The following CLVS1 variants were observed in gnomAD, a reference collection of about 807,000 sequenced individuals.
CLVS1 encodes the protein clavesin 1.
In CLVS1, 10 loss-of-function variants were observed where a neutral mutation model predicts 33.1. That is an observed-to-expected ratio of 0.30 (90% confidence interval 0.19 to 0.51). The LOEUF (loss-of-function observed/expected upper bound fraction) is 0.51, where lower values mean the gene tolerates loss of function less well. CLVS1 is among the 20% of genes least tolerant of loss of function. The pLI, the probability that CLVS1 is intolerant of heterozygous loss-of-function variation, is 0.97. For synonymous variants in CLVS1, 163 were observed against 166.1 expected (o/e 0.98, Z 0.14); for missense variants, 343 against 433.4 (o/e 0.79, Z 1.85).
intron 5 of CLVS1, among the ~76,000 whole-genome samples, chr8:61,470,679 C>T (rs1817702286): frequency 6.6e-6 from 1 of 152,202 alleles, no homozygotes; most frequent in Admixed American, 6.5e-5. Context: ...CCGTAATGAG[C>T]ATATGAATGA....
At chr8:61,127,497 G>A (rs780315553) in intron 1 of CLVS1, among the ~76,000 whole-genome samples, 32 of 152,270 alleles carry the variant, frequency 2.1e-4, no homozygotes, top group Middle Eastern at 6.8e-3. Flanking sequence ...TGGGATTACA[G>A]ACATGAGCCA....
chr8:61,236,114 G>A (rs540762161), intron 2 of CLVS1, among the ~76,000 whole-genome samples: 1 of 152,276 alleles, frequency 6.6e-6, no homozygotes, highest in East Asian at 1.9e-4. Context: ...CATAGATTCT[G>A]AGGCGAGCTT....
the CLVS1 span, among the ~76,000 whole-genome samples, chr8:61,031,962 A>T: frequency 6.6e-6 from 1 of 152,244 alleles, no homozygotes; most frequent in African/African-American, 2.4e-5. Flanking sequence ...GACTCAAGGG[A>T]AAAAATAAGA....
At chr8:61,236,262 G>A (rs1256666483) in intron 2 of CLVS1, among the ~76,000 whole-genome samples, 1 of 152,210 alleles carries the variant, frequency 6.6e-6, no homozygotes. Context: ...AGGAGTGAAT[G>A]AGAGCCACAA....
At chr8:61,316,160 A>T (rs1346473849) in intron 2 of CLVS1, among the ~76,000 whole-genome samples, 1 of 152,150 alleles carries the variant, frequency 6.6e-6, no homozygotes, top group Non-Finnish European at 1.5e-5. Flanking sequence ...TTGGGTATAT[A>T]CCCAAAGGAT....
intron 2 of CLVS1, among the ~76,000 whole-genome samples, chr8:61,265,397 CT>C: frequency 6.6e-6 from 1 of 152,176 alleles, no homozygotes; most frequent in East Asian, 1.9e-4. Flanking sequence ...GTTTCCTTAA[CT>C]ATAAATGGGC....
At chr8:61,198,675 C>G (rs1807666628) in intron 2 of CLVS1, among the ~76,000 whole-genome samples, 1 of 152,214 alleles carries the variant, frequency 6.6e-6, no homozygotes, top group South Asian at 2.1e-4. Flanking sequence ...CCACTTATCT[C>G]ATGCCGGGCC....
In CLVS1 at chr8:61,197,163, AT is replaced by A. The variant is rs1367966617; in HGVS notation, c.-152+65307del. On this transcript the variant is annotated intron_variant, in intron 2 of 2. Transcript: ENST00000522621. ...AGTAGTTTCATAGCTTGAGGTCTTA[AT>A]TTTAAGTCTTTAATCCATTTTTATT... Among the ~76,000 whole-genome samples, 6 of 152,270 alleles carry A rather than the reference AT, an allele frequency of 3.9e-5. 1 individual carries two copies. Among genetic ancestry groups the A allele is most frequent in the African/African-American group, 1.2e-4 (5 of 41,554 alleles).
chr8:61,192,598 GAA>G (rs527668359), intron 2 of CLVS1, among the ~76,000 whole-genome samples: 76 of 152,188 alleles, frequency 5.0e-4, no homozygotes, highest in African/African-American at 1.8e-3. Flanking sequence ...CAGAATGGGA[GAA>G]AATTTTTGCA....
intron 1 of CLVS1, among the ~76,000 whole-genome samples, chr8:61,123,965 T>A (rs919767455): frequency 3.9e-5 from 6 of 152,204 alleles, no homozygotes; most frequent in African/African-American, 1.4e-4. Flanking sequence ...GGACTTCAGT[T>A]TGATTCTTAA....
intron 2 of CLVS1, among the ~76,000 whole-genome samples, chr8:61,321,231 TG>T (rs1471519763): frequency 7.2e-5 from 11 of 152,088 alleles, no homozygotes; most frequent in African/African-American, 2.2e-4. Context: ...AGGACCTGCT[TG>T]TGTTGTTTTC....
chr8:61,475,930 G>T (rs1231294285), intron 5 of CLVS1, among the ~76,000 whole-genome samples: 2 of 152,132 alleles, frequency 1.3e-5, no homozygotes, highest in African/African-American at 4.8e-5. Context: ...ATGGTTTTAG[G>T]TCTACCATTT....
chr8:61,420,608 A>AG (rs961553769), intron 3 of CLVS1, among the ~76,000 whole-genome samples: 4 of 149,232 alleles, frequency 2.7e-5, no homozygotes, highest in Non-Finnish European at 6.0e-5. Context: ...TCTCAAAAAT[A>AG]GAAAAAAAAG....
chr8:61,487,352 C>A (rs551794303), intron 5 of CLVS1, among the ~76,000 whole-genome samples: 1 of 152,226 alleles, frequency 6.6e-6, no homozygotes, highest in South Asian at 2.1e-4. Context: ...AGGTTATTAT[C>A]CACATTTTAT....
intron 1 of CLVS1, among the ~76,000 whole-genome samples, chr8:61,065,401 T>A (rs1426272027): frequency 7.2e-5 from 11 of 152,160 alleles, no homozygotes; most frequent in Non-Finnish European, 1.6e-4. Flanking sequence ...TACCTATGGA[T>A]ACAGAGGGCC....
chr8:61,158,706 T>G (rs1806695093), intron 2 of CLVS1, among the ~76,000 whole-genome samples: 2 of 151,484 alleles, frequency 1.3e-5, no homozygotes, highest in Admixed American at 1.3e-4. Context: ...TAAGGAAAGA[T>G]CTCACTTGAA....
chr8:61,232,020 G>GTCTTTTT (rs1808442367), intron 2 of CLVS1, among the ~76,000 whole-genome samples: 2 of 38,774 alleles, frequency 5.2e-5, no homozygotes, highest in Non-Finnish European at 8.2e-5. Flanking sequence ...GAGGAAAGTT[G>GTCTTTTT]TGGTTTTTTT....
At chr8:61,140,805 A>T (rs1044319272) in intron 2 of CLVS1, among the ~76,000 whole-genome samples, 2 of 152,088 alleles carry the variant, frequency 1.3e-5, no homozygotes, top group Admixed American at 6.5e-5. Flanking sequence ...TGACCTCGTG[A>T]TCCGCCCGCC....
the CLVS1 span, among the ~76,000 whole-genome samples, chr8:61,018,636 A>T: frequency 6.6e-6 from 1 of 152,198 alleles, no homozygotes; most frequent in Non-Finnish European, 1.5e-5. Context: ...AGACACAATT[A>T]TATCTTGATT....
Sources: allele counts gnomAD v4.1 joint callset (sites outside exome capture counted in the v4.1 genomes callset), GRCh38; gene constraint gnomAD v4.1.1; transcripts MANE v1.5; gene names NCBI Gene and HGNC (gene_info 2026-07-23, HGNC 2026-07-21).